Variants in LHFPL3 observed in about 807,000 individuals in gnomAD.
LHFPL3 encodes LHFPL tetraspan subfamily member 3, also known as LHFPL tetraspan subfamily member 3 protein.
LHFPL3 carries 5 observed loss-of-function variants against 19.3 expected under a neutral mutation model. The ratio of observed to expected loss-of-function variants is 0.26; its 90% CI spans 0.14 to 0.54. The LOEUF is 0.54. Among genes scored for constraint, LHFPL3 ranks in the 20% least tolerant of loss-of-function variants. The pLI, the probability that LHFPL3 is intolerant of heterozygous loss-of-function variation, is 0.94. For missense variants in LHFPL3, 249 were observed against 307.4 expected, an observed-to-expected ratio of 0.81 and a Z score of 1.42; for synonymous variants, 133 against 126.2, an observed-to-expected ratio of 1.05 and a Z score of -0.36.
intron 1 of LHFPL3, among the ~76,000 whole-genome samples, chr7:104,718,304 A>G (rs923369813): frequency 2.0e-5 from 3 of 152,334 alleles, no homozygotes; most frequent in African/African-American, 7.2e-5. Flanking sequence ...CTTACCCACA[A>G]TGAAATAAAA....
At chr7:104,697,603 T>C (rs1337700190) in intron 1 of LHFPL3, among the ~76,000 whole-genome samples, 9 of 152,254 alleles carry the variant, frequency 5.9e-5, no homozygotes, top group Admixed American at 4.6e-4. Context: ...AATAATTCAT[T>C]TGACTTTTCA....
chr7:104,844,157 G>T (rs1791267712), intron 2 of LHFPL3, among the ~76,000 whole-genome samples: 1 of 152,224 alleles, frequency 6.6e-6, no homozygotes, highest in South Asian at 2.1e-4. Context: ...TTCTGGGAAA[G>T]AATGGGGGAG....
intron 2 of LHFPL3, among the ~76,000 whole-genome samples, chr7:104,836,247 C>T (rs956877579): frequency 1.3e-5 from 2 of 152,112 alleles, no homozygotes; most frequent in Non-Finnish European, 1.5e-5. Context: ...GAGAGGTAGA[C>T]AAGAGCCCAA....
intron 1 of LHFPL3, among the ~76,000 whole-genome samples, chr7:104,517,712 T>G (rs1297867648): frequency 1.3e-5 from 2 of 152,158 alleles, no homozygotes; most frequent in African/African-American, 4.8e-5. Flanking sequence ...TTCACCATGT[T>G]GGCCAGGCTG....
chr7:104,726,647 G>A (rs1793596606), intron 1 of LHFPL3, among the ~76,000 whole-genome samples: 11 of 152,094 alleles, frequency 7.2e-5, no homozygotes. Flanking sequence ...CCATGTCCCT[G>A]CAAAAGACAT....
intron 1 of LHFPL3, among the ~76,000 whole-genome samples, chr7:104,511,673 G>C (rs914465738): frequency 1.8e-4 from 27 of 152,106 alleles, no homozygotes; most frequent in African/African-American, 6.3e-4. Flanking sequence ...GCAGTGACCT[G>C]GATGAAACTA....
chr7:104,493,697 A>G lies in LHFPL3; in HGVS notation c.445+164473A>G, dbSNP rs147745278. On this transcript the variant is annotated intron_variant, in intron 1 of 2. Coordinates refer to ENST00000424859, the MANE Select transcript of LHFPL3 (RefSeq NM_199000.3). ...AGATATCATTGGTTTTACTTGTGCA[A>G]TAATTCTTGTCTTTTTTTTTTTGCT... Among the ~76,000 whole-genome samples, 931 of 152,028 alleles carry G rather than the reference A, an allele frequency of 6.1e-3. 11 individuals carry two copies. Among genetic ancestry groups the G allele is most frequent in the African/African-American group, 0.022 (898 of 41,444 alleles).
intron 2 of LHFPL3, among the ~76,000 whole-genome samples, chr7:104,766,645 C>A (rs1177428697): frequency 6.6e-6 from 1 of 152,174 alleles, no homozygotes; most frequent in African/African-American, 2.4e-5. Context: ...CCTTGGCACA[C>A]AGTTTGAAAA....
intron 1 of LHFPL3, among the ~76,000 whole-genome samples, chr7:104,333,869 G>A (rs1282792419): frequency 1.3e-5 from 2 of 152,232 alleles, no homozygotes; most frequent in Non-Finnish European, 2.9e-5. Context: ...ACAGCATAGA[G>A]GTCAAAAGCA....
chr7:104,581,304 T>A (rs1790456142), intron 1 of LHFPL3, among the ~76,000 whole-genome samples: 1 of 152,138 alleles, frequency 6.6e-6, no homozygotes, highest in South Asian at 2.1e-4. Context: ...ATGTGCTTAT[T>A]GCCTGTTCAG....
At chr7:104,638,840 G>A (rs1791778706) in intron 1 of LHFPL3, among the ~76,000 whole-genome samples, 2 of 150,036 alleles carry the variant, frequency 1.3e-5, no homozygotes, top group South Asian at 4.2e-4. Context: ...TCAGCTGACT[G>A]CAGTCTTGAC....
intron 2 of LHFPL3, among the ~76,000 whole-genome samples, chr7:104,763,161 G>A (rs1304641789): frequency 1.3e-5 from 2 of 152,148 alleles, no homozygotes; most frequent in African/African-American, 4.8e-5. Context: ...TAAGCTCTGG[G>A]GCTTGTCAAC....
At chr7:104,387,365 T>C (rs920176096) in intron 1 of LHFPL3, among the ~76,000 whole-genome samples, 1 of 151,712 alleles carries the variant, frequency 6.6e-6, no homozygotes, top group Non-Finnish European at 1.5e-5. Flanking sequence ...TGAAACTTGG[T>C]CTCAAAATTA....
intron 2 of LHFPL3, among the ~76,000 whole-genome samples, chr7:104,791,242 C>A (rs747080324): frequency 6.6e-6 from 1 of 152,098 alleles, no homozygotes; most frequent in Non-Finnish European, 1.5e-5. Flanking sequence ...TCTGATTGCT[C>A]ATAAAACAAA....
At chr7:104,571,619 C>T (rs1790232853) in intron 1 of LHFPL3, among the ~76,000 whole-genome samples, 1 of 152,150 alleles carries the variant, frequency 6.6e-6, no homozygotes, top group Non-Finnish European at 1.5e-5. Context: ...ATGAAAATTG[C>T]TCCTTGGATG....
intron 1 of LHFPL3, among the ~76,000 whole-genome samples, chr7:104,708,883 G>A (rs1793240011): frequency 2.6e-5 from 4 of 152,022 alleles, no homozygotes; most frequent in Admixed American, 2.6e-4. Flanking sequence ...CAAGTCCCTT[G>A]AGAGAAAAAA....
chr7:104,672,503 T>C (rs1321537433), intron 1 of LHFPL3, among the ~76,000 whole-genome samples: 3 of 152,222 alleles, frequency 2.0e-5, no homozygotes, highest in Admixed American at 6.5e-5. Flanking sequence ...AAGCATGAGA[T>C]AAATGAATAA....
chr7:104,350,837 C>T (rs1243231815), intron 1 of LHFPL3, among the ~76,000 whole-genome samples: 1 of 152,044 alleles, frequency 6.6e-6, no homozygotes, highest in Non-Finnish European at 1.5e-5. Flanking sequence ...GTCAGGAATT[C>T]GAGACCAGCC....
chr7:104,553,452 AG>A (rs1794698930), intron 1 of LHFPL3, among the ~76,000 whole-genome samples: 1 of 152,160 alleles, frequency 6.6e-6, no homozygotes, highest in Non-Finnish European at 1.5e-5. Flanking sequence ...ACATGGGAGG[AG>A]GGAATGACTT....
Sources: gnomAD v4.1 joint callset for allele counts (sites outside exome capture counted in the v4.1 genomes callset) on GRCh38, gnomAD v4.1.1 for gene constraint, MANE v1.5 for transcripts, NCBI Gene and HGNC (gene_info 2026-07-23, HGNC 2026-07-21) for gene names.